The following XYLT1 variants were observed in gnomAD, a reference collection of about 807,000 sequenced individuals.
XYLT1 encodes beta-D-xylosyltransferase 1.
Under a neutral mutation model 91.3 loss-of-function variants are expected in XYLT1, and 36 were observed. The ratio of observed to expected loss-of-function variants is 0.39; its 90% CI spans 0.30 to 0.52. XYLT1 has a LOEUF of 0.52. Ranked by LOEUF, XYLT1 falls within the 20% of genes least tolerant of loss-of-function variation. The pLI is 0.68. For missense variants in XYLT1, 1,242 were observed against 1,284.5 expected, an observed-to-expected ratio of 0.97 and a Z score of 0.51; for synonymous variants, 588 against 532.0, an observed-to-expected ratio of 1.11 and a Z score of -1.45.
At chr16:17,331,784 A>T (rs532234086) in intron 2 of XYLT1, among the ~76,000 whole-genome samples, 2 of 152,184 alleles carry the variant, frequency 1.3e-5, no homozygotes, top group East Asian at 3.9e-4. Context: ...TCCCCACCAC[A>T]CTGTGGTATA....
At chr16:17,341,716 T>C (rs369629888) in intron 2 of XYLT1, among the ~76,000 whole-genome samples, 71 of 152,212 alleles carry the variant, frequency 4.7e-4, no homozygotes, top group African/African-American at 1.4e-3. Flanking sequence ...GTATAGGAAG[T>C]GATGTGCTTT....
rs527385833 is a variant in XYLT1, at chr16:17,351,749, T to TTGGG, written c.402+6262_402+6263insCCCA. Among the ~76,000 whole-genome samples, 20 of 134,910 alleles carry TTGGG rather than the reference T, an allele frequency of 1.5e-4. 1 individual carries two copies. The highest frequency in any genetic ancestry group is 5.2e-4 in the African/African-American group (17 of 32,518). The allele number at this position is 134,910 out of a possible 152,430, so 88.5% of individuals were successfully genotyped here. A position where few individuals can be genotyped will look rare whatever the true frequency, so the allele number is the denominator to read the frequency against. ...CTACTGACATTTGAGGCTTTTTTTT[T>TTGGG]GGGGGGGGGTGCTTTCCTGTGCATT... On this transcript the variant is annotated intron_variant, in intron 2 of 11. Coordinates refer to ENST00000261381, the MANE Select transcript of XYLT1 (RefSeq NM_022166.4).
chr16:17,430,198 A>G (rs1001779244), intron 1 of XYLT1, among the ~76,000 whole-genome samples: 1 of 152,016 alleles, frequency 6.6e-6, no homozygotes, highest in African/African-American at 2.4e-5. Context: ...CAGCCTCCCA[A>G]AGTGCTGGGA....
chr16:17,439,880 C>T (rs1028890260), intron 1 of XYLT1, among the ~76,000 whole-genome samples: 1 of 152,228 alleles, frequency 6.6e-6, no homozygotes, highest in African/African-American at 2.4e-5. Flanking sequence ...CACCCAAATC[C>T]ATCCGGAATG....
At chr16:17,410,746 G>A (rs2036097684) in intron 1 of XYLT1, among the ~76,000 whole-genome samples, 2 of 150,820 alleles carry the variant, frequency 1.3e-5, no homozygotes, top group Non-Finnish European at 2.9e-5. Context: ...AGGTTCAAGC[G>A]ATTATCCTGC....
chr16:17,314,914 G>C (rs1182197031), intron 2 of XYLT1, among the ~76,000 whole-genome samples: 3 of 152,174 alleles, frequency 2.0e-5, no homozygotes, highest in Admixed American at 2.0e-4. Flanking sequence ...GGTGGCGGAG[G>C]TGATAAAGTA....
intron 1 of XYLT1, among the ~76,000 whole-genome samples, chr16:17,423,233 G>A (rs1364959550): frequency 2.0e-5 from 3 of 152,074 alleles, no homozygotes; most frequent in Non-Finnish European, 4.4e-5. Flanking sequence ...TGCCCAGTGG[G>A]GCCGCCCTTC....
intron 1 of XYLT1, among the ~76,000 whole-genome samples, chr16:17,407,372 G>T (rs921170209): frequency 1.3e-5 from 2 of 152,098 alleles, no homozygotes; most frequent in African/African-American, 4.8e-5. Flanking sequence ...TATTTTTAAG[G>T]AATAAGAGAT....
intron 1 of XYLT1, among the ~76,000 whole-genome samples, chr16:17,412,269 G>A (rs965301461): frequency 1.3e-5 from 2 of 151,888 alleles, no homozygotes; most frequent in Non-Finnish European, 2.9e-5. Context: ...TGATTCACAC[G>A]AGAAACTAGG....
chr16:17,432,608 A>C (rs886923521), intron 1 of XYLT1, among the ~76,000 whole-genome samples: 2 of 152,220 alleles, frequency 1.3e-5, no homozygotes, highest in Non-Finnish European at 2.9e-5. Context: ...TGCACAGCTC[A>C]GTAAGTTTAC....
intron 1 of XYLT1, among the ~76,000 whole-genome samples, chr16:17,370,324 C>A (rs1009195730): frequency 5.3e-5 from 8 of 152,218 alleles, no homozygotes; most frequent in South Asian, 2.1e-4. Flanking sequence ...GGATCCAAAG[C>A]TTACAACGAT....
intron 1 of XYLT1, among the ~76,000 whole-genome samples, chr16:17,402,371 A>G (rs1183158539): frequency 6.6e-6 from 1 of 152,218 alleles, no homozygotes; most frequent in Non-Finnish European, 1.5e-5. Flanking sequence ...GAATATGAAA[A>G]AGACGAAGTG....
At chr16:17,238,365 T>C (rs977370284) in intron 3 of XYLT1, among the ~76,000 whole-genome samples, 1 of 152,164 alleles carries the variant, frequency 6.6e-6, no homozygotes, top group Admixed American at 6.5e-5. Flanking sequence ...CTATTGAAAG[T>C]GATGGCCAAA....
chr16:17,294,048 A>C (rs1165322137), intron 2 of XYLT1, among the ~76,000 whole-genome samples: 4 of 152,272 alleles, frequency 2.6e-5, no homozygotes, highest in African/African-American at 9.6e-5. Flanking sequence ...CCTCACCTGT[A>C]AAATAAGGTG....
chr16:17,329,443 C>A (rs540299917), intron 2 of XYLT1, among the ~76,000 whole-genome samples: 31 of 152,320 alleles, frequency 2.0e-4, no homozygotes, highest in African/African-American at 7.0e-4. Flanking sequence ...AATAGTAAAT[C>A]TTTTCATCTT....
intron 2 of XYLT1, among the ~76,000 whole-genome samples, chr16:17,281,907 T>C (rs1290181814): frequency 6.6e-6 from 1 of 152,194 alleles, no homozygotes; most frequent in African/African-American, 2.4e-5. Context: ...CTATGGGCCA[T>C]ACCTGAGATT....
At chr16:17,119,736 G>T (rs1294377080) in intron 10 of XYLT1, among the ~76,000 whole-genome samples, 1 of 152,234 alleles carries the variant, frequency 6.6e-6, no homozygotes, top group Non-Finnish European at 1.5e-5. Flanking sequence ...TCTCAGAGAA[G>T]TGAGATAACT....
intron 1 of XYLT1, among the ~76,000 whole-genome samples, chr16:17,414,722 A>T (rs1310748580): frequency 6.6e-6 from 1 of 152,190 alleles, no homozygotes; most frequent in Non-Finnish European, 1.5e-5. Flanking sequence ...CTATGGAGCC[A>T]GGCAGCCTGG....
chr16:17,379,393 T>G (rs1004263241), intron 1 of XYLT1, among the ~76,000 whole-genome samples: 3 of 152,292 alleles, frequency 2.0e-5, no homozygotes, highest in African/African-American at 4.8e-5. Context: ...GGAGGCCGAC[T>G]AAGAGATGGA....
Sources: allele counts gnomAD v4.1 joint callset (sites outside exome capture counted in the v4.1 genomes callset), GRCh38; gene constraint gnomAD v4.1.1; transcripts MANE v1.5; gene names NCBI Gene and HGNC (gene_info 2026-07-23, HGNC 2026-07-21).